FUT9: variants seen among roughly 807,000 people sequenced by gnomAD.
The protein encoded by FUT9 is fucosyltransferase 9.
In FUT9, 15 loss-of-function variants were observed where a neutral mutation model predicts 29.7. The observed-to-expected ratio is 0.51, with a 90% CI of 0.34 to 0.78. The LOEUF (loss-of-function observed/expected upper bound fraction) is 0.78, where lower values mean the gene tolerates loss of function less well. Among genes scored for constraint, FUT9 ranks in the 30% least tolerant of loss-of-function variants. FUT9 has a pLI of 0.01. For missense variants in FUT9, 319 were observed against 425.4 expected (o/e 0.75, Z 2.20); for synonymous variants, 169 against 153.7 (o/e 1.10, Z -0.74).
intron 2 of FUT9, among the ~76,000 whole-genome samples, chr6:96,142,170 T>C (rs1220291923): frequency 6.6e-6 from 1 of 152,176 alleles, no homozygotes; most frequent in Non-Finnish European, 1.5e-5. Context: ...AGAAAATCAA[T>C]CCCATTTAAA....
intron 1 of FUT9, among the ~76,000 whole-genome samples, chr6:96,069,920 C>T (rs1771029927): frequency 1.3e-5 from 2 of 151,604 alleles, no homozygotes; most frequent in Admixed American, 6.6e-5. Context: ...CGTGAGCCAC[C>T]GCACCCAGCT....
In FUT9 at chr6:96,204,291, T is replaced by C; in HGVS notation, c.*56T>C. On this transcript the variant is annotated 3_prime_UTR_variant, in exon 3 of 3. Transcript: ENST00000302103. ...ATTTTGATGAGATATCATCCAAGTA[T>C]TGAGGATAAGAAGAGATGCAACATA... 1 of 1,264,022 alleles carries C rather than the reference T, an allele frequency of 7.9e-7. No individual in the cohort carries two copies. Among genetic ancestry groups the C allele is most frequent in the East Asian group, 2.5e-5 (1 of 40,308 alleles). The allele number at this position is 1,264,022 out of a possible 1,614,324, so 78.3% of individuals were successfully genotyped here. A position where few individuals can be genotyped will look rare whatever the true frequency, so the allele number is the denominator to read the frequency against.
chr6:96,145,476 A>G (rs149605878), intron 2 of FUT9, among the ~76,000 whole-genome samples: 29 of 152,336 alleles, frequency 1.9e-4, no homozygotes, highest in African/African-American at 7.0e-4. Flanking sequence ...CCTACCATCA[A>G]GAATCTTGCA....
intron 1 of FUT9, among the ~76,000 whole-genome samples, chr6:96,096,793 G>T (rs1023241301): frequency 4.6e-5 from 7 of 151,246 alleles, no homozygotes; most frequent in Non-Finnish European, 8.8e-5. Flanking sequence ...CTCTACCCCA[G>T]CCCCTTTTTC....
intron 2 of FUT9, among the ~76,000 whole-genome samples, chr6:96,192,788 C>G (rs1488969323): frequency 6.6e-6 from 1 of 152,032 alleles, no homozygotes; most frequent in Non-Finnish European, 1.5e-5. Context: ...CATCACACTA[C>G]CTGACTTCAA....
chr6:96,098,594 C>T (rs1216518939), intron 1 of FUT9, among the ~76,000 whole-genome samples: 1 of 152,098 alleles, frequency 6.6e-6, no homozygotes, highest in African/African-American at 2.4e-5. Flanking sequence ...ACATAGTTGT[C>T]CCAGTTAGAG....
At chr6:96,164,799 G>C (rs9377449) in intron 2 of FUT9, among the ~76,000 whole-genome samples, 138,711 of 152,212 alleles carry the variant, frequency 0.91, 64,570 homozygotes, top group Non-Finnish European at 1. Flanking sequence ...TGGTTGGGGA[G>C]GCTTAGAATT....
Position 96,212,548 on chromosome 6 carries a change from T to G in FUT9, c.*8313T>G, listed in dbSNP as rs575347908. The G allele has an allele frequency of 7.5e-6, 3 of 402,126 alleles. No homozygotes were observed. Among genetic ancestry groups the G allele is most frequent in the Admixed American group, 4.4e-5 (1 of 22,472 alleles). The allele number at this position is 402,126 out of a possible 1,614,324, so 24.9% of individuals were successfully genotyped here. On this transcript the variant is annotated 3_prime_UTR_variant, in exon 3 of 3. Transcript: ENST00000302103. ...TTACTTAGAAGGGAAAAAAAAGAAC[T>G]TTCAGCTTAATCGGGGTTAAGGGAG...
At chr6:96,058,736 A>C (rs1770821206) in intron 1 of FUT9, among the ~76,000 whole-genome samples, 1 of 152,180 alleles carries the variant, frequency 6.6e-6, no homozygotes, top group Non-Finnish European at 1.5e-5. Context: ...AGACAAATTA[A>C]AAACCTGGCA....
chr6:96,199,659 G>T (rs1773693415), intron 2 of FUT9, among the ~76,000 whole-genome samples: 1 of 152,108 alleles, frequency 6.6e-6, no homozygotes, highest in Non-Finnish European at 1.5e-5. Context: ...CTAGTGGTAG[G>T]AATAGCCATA....
chr6:96,205,803 A>T lies in FUT9; in HGVS notation c.*1568A>T, dbSNP rs1274770943. The T allele has an allele frequency of 2.4e-5, 4 of 166,778 alleles. No homozygotes were observed. The highest frequency in any genetic ancestry group is 5.9e-5 in the Non-Finnish European group (4 of 68,112). The allele number at this position is 166,778 out of a possible 1,614,324, so 10.3% of individuals were successfully genotyped here. On this transcript the variant is annotated 3_prime_UTR_variant, in exon 3 of 3. Transcript: ENST00000302103. ...TCGTATTACAAATTGACATCAGCAAAATTCAAAAAGAATTCAGTAAAAAGG... is the reference window on the plus strand; with the variant it reads ...TCGTATTACAAATTGACATCAGCAATATTCAAAAAGAATTCAGTAAAAAGG...
chr6:96,041,805 T>A (rs1254351054), intron 1 of FUT9, among the ~76,000 whole-genome samples: 1 of 152,210 alleles, frequency 6.6e-6, no homozygotes, highest in Admixed American at 6.5e-5. Context: ...CCGATGAGTC[T>A]CCTCTTGTTA....
At chr6:96,080,047 TC>T (rs1317489163) in intron 1 of FUT9, among the ~76,000 whole-genome samples, 1 of 152,022 alleles carries the variant, frequency 6.6e-6, no homozygotes, top group Non-Finnish European at 1.5e-5. Flanking sequence ...ACATTAAATA[TC>T]AAAAGAAATA....
At chr6:96,067,170 G>T (rs1269411697) in intron 1 of FUT9, among the ~76,000 whole-genome samples, 1 of 146,432 alleles carries the variant, frequency 6.8e-6, no homozygotes, top group Non-Finnish European at 1.5e-5. Context: ...ATTAGGCTAT[G>T]GATACATAAA....
At chr6:96,084,266 T>C (rs1771282973) in intron 1 of FUT9, among the ~76,000 whole-genome samples, 1 of 152,080 alleles carries the variant, frequency 6.6e-6, no homozygotes, top group Admixed American at 6.6e-5. Flanking sequence ...TCCAAAGAAT[T>C]CCATCAAAGA....
intron 1 of FUT9, among the ~76,000 whole-genome samples, chr6:96,086,310 C>T (rs1771315919): frequency 1.3e-5 from 2 of 152,118 alleles, no homozygotes; most frequent in South Asian, 4.1e-4. Flanking sequence ...TGCAGTCTAC[C>T]TTTCTTTTAA....
intron 2 of FUT9, among the ~76,000 whole-genome samples, chr6:96,178,350 G>C (rs1248474579): frequency 6.6e-6 from 1 of 152,094 alleles, no homozygotes; most frequent in Non-Finnish European, 1.5e-5. Flanking sequence ...CTGTATTATG[G>C]AAGAAGTCTT....
chr6:96,053,624 G>A (rs1770711757), intron 1 of FUT9, among the ~76,000 whole-genome samples: 1 of 152,096 alleles, frequency 6.6e-6, no homozygotes, highest in South Asian at 2.1e-4. Flanking sequence ...CAGGAGAATG[G>A]TGTGAACCCG....
chr6:96,093,389 T>C (rs1447930721), intron 1 of FUT9, among the ~76,000 whole-genome samples: 2 of 152,100 alleles, frequency 1.3e-5, no homozygotes, highest in Non-Finnish European at 2.9e-5. Flanking sequence ...CTGTGACTAA[T>C]GCAGTTTGAT....
Sources: allele counts gnomAD v4.1 joint callset (sites outside exome capture counted in the v4.1 genomes callset), GRCh38; gene constraint gnomAD v4.1.1; transcripts MANE v1.5; gene names NCBI Gene and HGNC (gene_info 2026-07-23, HGNC 2026-07-21).